Variants in TENM3 observed in about 807,000 individuals in gnomAD.
TENM3 encodes the protein teneurin transmembrane protein 3, also known as teneurin-3.
A neutral mutation model predicts 255.1 loss-of-function variants in TENM3; 63 were observed. That is an observed-to-expected ratio of 0.25 (90% CI 0.20 to 0.30). The LOEUF (loss-of-function observed/expected upper bound fraction) is 0.30. Ranked by LOEUF, TENM3 falls within the 10% of genes least tolerant of loss-of-function variation. TENM3 has a pLI of 1.00. For synonymous variants in TENM3, 1,306 were observed against 1,322.3 expected, an observed-to-expected ratio of 0.99 and a Z score of 0.27; for missense variants, 2,929 against 3,461.1, an observed-to-expected ratio of 0.85 and a Z score of 3.86.
chr4:181,918,411 A>T, the TENM3 span, among the ~76,000 whole-genome samples: 3,197 of 152,340 alleles, frequency 0.021, 139 homozygotes, highest in African/African-American at 0.073. Flanking sequence ...ACAGTAAGAA[A>T]AGAATAAATT....
chr4:182,379,821 C>A (rs1301939246), intron 3 of TENM3, among the ~76,000 whole-genome samples: 1 of 152,130 alleles, frequency 6.6e-6, no homozygotes. Flanking sequence ...TTGGTATTTC[C>A]ATTTCCTCGT....
At chr4:182,613,697 A>G (rs896452456) in intron 4 of TENM3, among the ~76,000 whole-genome samples, 1 of 152,220 alleles carries the variant, frequency 6.6e-6, no homozygotes, top group African/African-American at 2.4e-5. Context: ...ACATAATGCT[A>G]TACTTACTAT....
At chr4:182,544,998 G>A (rs779132485) in intron 3 of TENM3, among the ~76,000 whole-genome samples, 12 of 152,128 alleles carry the variant, frequency 7.9e-5, no homozygotes, top group Non-Finnish European at 1.3e-4. Context: ...AAACGTACAT[G>A]CTGGATCTCA....
At chr4:182,287,247 A>T (rs1260798147) in intron 1 of TENM3, among the ~76,000 whole-genome samples, 1 of 152,102 alleles carries the variant, frequency 6.6e-6, no homozygotes, top group Non-Finnish European at 1.5e-5. Flanking sequence ...AACTAAAATA[A>T]AGTAAATTCC....
At chr4:182,269,437 C>G (rs908504493) in intron 1 of TENM3, among the ~76,000 whole-genome samples, 1 of 152,108 alleles carries the variant, frequency 6.6e-6, no homozygotes, top group Non-Finnish European at 1.5e-5. Flanking sequence ...ACTTGGTGCC[C>G]GGAAGTGACT....
the TENM3 span, among the ~76,000 whole-genome samples, chr4:181,548,099 A>C: frequency 6.6e-6 from 1 of 152,092 alleles, no homozygotes; most frequent in African/African-American, 2.4e-5. Context: ...TGAGAATGAT[A>C]GTTTCCAGCT....
At chr4:182,113,357 A>G in the TENM3 span, among the ~76,000 whole-genome samples, 1 of 152,180 alleles carries the variant, frequency 6.6e-6, no homozygotes, top group African/African-American at 2.4e-5. Context: ...AAATGCGTCT[A>G]CAAAGAAGGG....
At chr4:182,068,393 AAT>A in the TENM3 span, among the ~76,000 whole-genome samples, 1 of 151,912 alleles carries the variant, frequency 6.6e-6, no homozygotes, top group Admixed American at 6.6e-5. Context: ...TAAAAAAACA[AAT>A]GCTACCTCCA....
At chr4:182,375,554 A>G (rs1222158746) in intron 3 of TENM3, among the ~76,000 whole-genome samples, 1 of 151,662 alleles carries the variant, frequency 6.6e-6, no homozygotes. Flanking sequence ...TTATTTTTTT[A>G]TTTTTGAGAC....
intron 3 of TENM3, among the ~76,000 whole-genome samples, chr4:182,420,889 C>T (rs974222315): frequency 7.9e-5 from 12 of 152,010 alleles, no homozygotes; most frequent in African/African-American, 2.4e-5. Flanking sequence ...TTTCTTATGT[C>T]CTTATCATTA....
chr4:181,865,520 T>A, the TENM3 span, among the ~76,000 whole-genome samples: 1 of 152,190 alleles, frequency 6.6e-6, no homozygotes, highest in South Asian at 2.1e-4. Flanking sequence ...TAGTGTTTGA[T>A]CATGGACACG....
At chr4:182,535,388 GA>G (rs1366679092) in intron 3 of TENM3, among the ~76,000 whole-genome samples, 14 of 152,184 alleles carry the variant, frequency 9.2e-5, no homozygotes, top group African/African-American at 3.4e-4. Context: ...AGGCAAGGCA[GA>G]ATACTGCTTA....
the TENM3 span, among the ~76,000 whole-genome samples, chr4:181,891,379 G>C: frequency 1.3e-5 from 2 of 152,208 alleles, no homozygotes; most frequent in African/African-American, 4.8e-5. Flanking sequence ...TACAACCCCT[G>C]TATACAAATC....
the TENM3 span, among the ~76,000 whole-genome samples, chr4:181,823,176 A>G: frequency 6.6e-6 from 1 of 152,336 alleles, no homozygotes; most frequent in South Asian, 2.1e-4. Flanking sequence ...TTATTGAATG[A>G]GACTTTTTGG....
At chr4:181,631,911 T>C in the TENM3 span, among the ~76,000 whole-genome samples, 13 of 152,246 alleles carry the variant, frequency 8.5e-5, no homozygotes, top group South Asian at 2.7e-3. Context: ...CAGCCTATCA[T>C]TTATGGTCAT....
chr4:182,283,559 G>T (rs1760535194), intron 1 of TENM3, among the ~76,000 whole-genome samples: 1 of 152,180 alleles, frequency 6.6e-6, no homozygotes, highest in South Asian at 2.1e-4. Flanking sequence ...GTATCTGGTT[G>T]GCTCCCAAGA....
the TENM3 span, among the ~76,000 whole-genome samples, chr4:182,047,121 A>G: frequency 6.6e-6 from 1 of 152,160 alleles, no homozygotes; most frequent in Admixed American, 6.5e-5. Flanking sequence ...TACCAGAGGT[A>G]AATATGCCTG....
chr4:182,541,887 C>T (rs1348833336), intron 3 of TENM3, among the ~76,000 whole-genome samples: 1 of 151,592 alleles, frequency 6.6e-6, no homozygotes, highest in African/African-American at 2.4e-5. Flanking sequence ...AGCAAGACCC[C>T]GTCTCTACAA....
intron 1 of TENM3, among the ~76,000 whole-genome samples, chr4:182,296,481 G>A (rs1298691556): frequency 6.6e-6 from 1 of 152,146 alleles, no homozygotes; most frequent in Non-Finnish European, 1.5e-5. Context: ...AACCAGAGAG[G>A]TTTATAATCA....
Sources: allele counts gnomAD v4.1 joint callset (sites outside exome capture counted in the v4.1 genomes callset), GRCh38; gene constraint gnomAD v4.1.1; transcripts MANE v1.5; gene names NCBI Gene and HGNC (gene_info 2026-07-23, HGNC 2026-07-21).